The following PRKAA1 variants were observed in gnomAD, a reference collection of about 807,000 sequenced individuals.
PRKAA1 encodes 5'-AMP-activated protein kinase catalytic subunit alpha-1.
In PRKAA1, 23 loss-of-function variants were observed where a neutral mutation model predicts 56.9. The ratio of observed to expected loss-of-function variants is 0.40; its 90% CI spans 0.29 to 0.57. The LOEUF (loss-of-function observed/expected upper bound fraction) is 0.57. PRKAA1 is among the 20% of genes least tolerant of loss of function. The pLI, the probability that PRKAA1 is intolerant of heterozygous loss-of-function variation, is 0.39. For missense variants in PRKAA1, 413 were observed against 679.7 expected (o/e 0.61, Z 4.36); for synonymous variants, 226 against 227.0 (o/e 1.00, Z 0.04).
At chr5:40,772,679 G>C (rs1743804181) in intron 3 of PRKAA1, among the ~76,000 whole-genome samples, 1 of 151,992 alleles carries the variant, frequency 6.6e-6, no homozygotes, top group Admixed American at 6.6e-5. Context: ...TGTCATCCAG[G>C]CTGGAGTGCA....
intron 4 of PRKAA1, 41 bp downstream of exon 4, chr5:40,771,678 C>T (rs1423505856): frequency 1.3e-6 from 2 of 1,565,374 alleles, no homozygotes; most frequent in Non-Finnish European, 1.7e-6. Context: ...ACTATAAGAA[C>T]ATTAGAAATG....
intron 1 of PRKAA1, among the ~76,000 whole-genome samples, chr5:40,795,253 G>A (rs1369891530): frequency 6.6e-6 from 1 of 152,032 alleles, no homozygotes; most frequent in Non-Finnish European, 1.5e-5. Flanking sequence ...GAGTGGGAGA[G>A]GGGTGAGGGA....
intron 6 of PRKAA1, among the ~76,000 whole-genome samples, chr5:40,765,624 G>A (rs897451081): frequency 6.6e-6 from 1 of 152,096 alleles, no homozygotes; most frequent in African/African-American, 2.4e-5. Flanking sequence ...AAAAATAGTA[G>A]ACAACTACTG....
At chr5:40,768,529 T>C in intron 5 of PRKAA1, 17 of 969,086 alleles carry the variant, frequency 1.8e-5, no homozygotes, top group Non-Finnish European at 2.1e-5. Flanking sequence ...ATTAAGTTAA[T>C]ATTTAAAAAA....
Position 40,761,007 on chromosome 5 carries a change from T to A in PRKAA1, c.*1771A>T, listed in dbSNP as rs1001469349. 1.3e-5 allele frequency: 2 copies of A among 152,106 alleles called. No individual in the cohort carries two copies. The highest frequency in any genetic ancestry group is 4.8e-5 in the African/African-American group (2 of 41,316). The allele number at this position is 152,106 out of a possible 1,614,324, so 9.4% of individuals were successfully genotyped here. A position where few individuals can be genotyped will look rare whatever the true frequency, so the allele number is the denominator to read the frequency against. On this transcript the variant is annotated 3_prime_UTR_variant, in exon 9 of 9. Transcript: ENST00000397128. ...ATCTTCATTTACATCTATTGTGTGA[T>A]GCAATTAAGAATGACAAAAAAAAAT...
chr5:40,768,897 T>C, intron 5 of PRKAA1: 1 of 1,564,252 alleles, frequency 6.4e-7, no homozygotes, highest in East Asian at 2.3e-5. Context: ...TGCTGGTAGT[T>C]AGTAAATTGA....
chr5:40,797,969 G>A, intron 1 of PRKAA1, 94 bp downstream of exon 1: 3 of 1,535,170 alleles, frequency 2.0e-6, no homozygotes, highest in East Asian at 2.6e-5. Flanking sequence ...TGGAAAGAAG[G>A]GACGCAGCGG....
intron 3 of PRKAA1, among the ~76,000 whole-genome samples, chr5:40,772,609 G>T (rs1478206579): frequency 1.3e-5 from 2 of 150,300 alleles, no homozygotes; most frequent in East Asian, 3.9e-4. Flanking sequence ...TTTGTTTTTT[G>T]TGTTTTTTTG....
At chr5:40,797,719 C>G (rs1280625740) in intron 1 of PRKAA1, among the ~76,000 whole-genome samples, 1 of 152,238 alleles carries the variant, frequency 6.6e-6, no homozygotes. Context: ...GGGGATCGCG[C>G]CCGGCGCCCC....
intron 1 of PRKAA1, among the ~76,000 whole-genome samples, chr5:40,795,927 C>CA (rs1305184840): frequency 6.6e-6 from 1 of 152,198 alleles, no homozygotes; most frequent in Non-Finnish European, 1.5e-5. Flanking sequence ...TCACTGGAGA[C>CA]ATTCGTGTCA....
chr5:40,788,366 A>T (rs894014537), intron 1 of PRKAA1, among the ~76,000 whole-genome samples: 8 of 152,212 alleles, frequency 5.3e-5, no homozygotes, highest in Admixed American at 1.3e-4. Context: ...ACAAGTATCA[A>T]CTTAAAATGG....
At chr5:40,766,205 A>G (rs1176270108) in intron 6 of PRKAA1, among the ~76,000 whole-genome samples, 2 of 152,260 alleles carry the variant, frequency 1.3e-5, no homozygotes, top group Non-Finnish European at 2.9e-5. Context: ...TCTCTTTTTT[A>G]GCTAGTCTAA....
chr5:40,762,529 C>A lies in PRKAA1; in HGVS notation c.*249G>T. The A allele has an allele frequency of 2.4e-6, 1 of 423,088 alleles. No homozygotes were observed. Among genetic ancestry groups the A allele is most frequent in the South Asian group, 2.9e-5 (1 of 34,518 alleles). 26.2% of individuals were successfully genotyped at this position (423,088 alleles called of 1,614,324 possible). A position where few individuals can be genotyped will look rare whatever the true frequency, so the allele number is the denominator to read the frequency against. ...TAAAATAGCCAAAAATCAAGTAAGC[C>A]TGAGACCTATAATTCACTGTGTATA... On this transcript the variant is annotated 3_prime_UTR_variant, in exon 9 of 9. Transcript: ENST00000397128.
In PRKAA1 at chr5:40,772,735, C is replaced by T. The variant is rs837102; in HGVS notation, c.364-872G>A. On this transcript the variant is annotated intron_variant, in intron 3 of 8. Transcript: ENST00000397128. ...TGCAGCCTCGGCTTCCCTGGGGTCC[C>T]GCAATCCTCCCACCCCAGCCTCCTA... Among the ~76,000 whole-genome samples the T allele has an allele frequency of 1.2e-3, 184 of 152,104 alleles. 1 individual carries two copies. In the East Asian group the frequency reaches 0.028, roughly 23 times the overall value.
chr5:40,782,497 T>C (rs1579744250), intron 1 of PRKAA1, among the ~76,000 whole-genome samples: 1 of 152,042 alleles, frequency 6.6e-6, no homozygotes, highest in African/African-American at 2.4e-5. Flanking sequence ...AAAAGTCTTA[T>C]AATACAAAAG....
At chr5:40,795,424 ATGTCTCCCACCCACCC>A (rs1269726843) in intron 1 of PRKAA1, among the ~76,000 whole-genome samples, 1 of 152,148 alleles carries the variant, frequency 6.6e-6, no homozygotes, top group Non-Finnish European at 1.5e-5. Flanking sequence ...TAAAAAAAAG[ATGTCTCCCACCCACCC>A]ACCTCTGTTG....
chr5:40,776,632 G>A (rs1425816940), intron 2 of PRKAA1, among the ~76,000 whole-genome samples: 8 of 152,216 alleles, frequency 5.3e-5, no homozygotes, highest in Non-Finnish European at 1.5e-5. Context: ...AGCAGAAGCT[G>A]AGCAGGAAAT....
At chr5:40,797,950 G>T in intron 1 of PRKAA1, 113 bp downstream of exon 1, 1 of 1,501,396 alleles carries the variant, frequency 6.7e-7, no homozygotes, top group Non-Finnish European at 9.0e-7. Flanking sequence ...GACAGGGGCT[G>T]CCCAGCCCTG....
chr5:40,760,479 T>C lies in PRKAA1; in HGVS notation c.*2299A>G, dbSNP rs563790226. ...CCATTACTTAATTCCATATACAAATTTGTAACTTTAAAAATACAGTCTTCT... is the reference window on the plus strand; with the variant it reads ...CCATTACTTAATTCCATATACAAATCTGTAACTTTAAAAATACAGTCTTCT... On this transcript the variant is annotated 3_prime_UTR_variant, in exon 9 of 9. Coordinates refer to ENST00000397128, the MANE Select transcript of PRKAA1 (RefSeq NM_006251.6). 5.9e-5 allele frequency: 9 copies of C among 152,824 alleles called. No homozygotes were observed. In the East Asian group the frequency reaches 1.7e-3, roughly 29 times the overall value. 9.5% of individuals were successfully genotyped at this position (152,824 alleles called of 1,614,324 possible). A position where few individuals can be genotyped will look rare whatever the true frequency, so the allele number is the denominator to read the frequency against.
Sources: gnomAD v4.1 joint callset for allele counts (sites outside exome capture counted in the v4.1 genomes callset) on GRCh38, gnomAD v4.1.1 for gene constraint, MANE v1.5 for transcripts, NCBI Gene and HGNC (gene_info 2026-07-23, HGNC 2026-07-21) for gene names.